The following TIAL1 variants were observed in gnomAD, a reference collection of about 807,000 sequenced individuals.
TIAL1 encodes the protein nucleolysin TIAR.
In TIAL1, 7 loss-of-function variants were observed where a neutral mutation model predicts 59.7. That is an observed-to-expected ratio of 0.12 (90% CI 0.07 to 0.22). The LOEUF is 0.22. Ranked by LOEUF, TIAL1 falls within the 10% of genes least tolerant of loss-of-function variation. TIAL1 has a pLI of 1.00. For missense variants in TIAL1, 225 were observed against 462.5 expected (o/e 0.49, Z 4.71); for synonymous variants, 149 against 146.3 (o/e 1.02, Z -0.13).
intron 1 of TIAL1, among the ~76,000 whole-genome samples, chr10:119,589,414 C>T (rs895859861): frequency 1.3e-5 from 2 of 152,274 alleles, no homozygotes; most frequent in Non-Finnish European, 2.9e-5. Context: ...CCATGTTGGC[C>T]TGGCTGGTCT....
At position 119,577,197 on chromosome 10, in the gene TIAL1, T is replaced by G; in HGVS notation, c.744A>C (p.Ser248=). Residue 248 remains serine (S), a synonymous_variant, in exon 10 of 12, where the codon TCA becomes TCC. Transcript: ENST00000436547. ...PEKGYSFVRF[S]THESAAHAIV... ...TGGCATGGGCTGCACTTTCATGGGT[T>G]GAAAATCTAAGAAAGAAAAATGATA... 1 of 1,594,750 alleles carries G rather than the reference T, an allele frequency of 6.3e-7. No homozygotes were observed. Among genetic ancestry groups the G allele is most frequent in the African/African-American group, 1.4e-5 (1 of 73,786 alleles).
Position 119,596,424 on chromosome 10 carries a change from G to A in TIAL1, c.32+10C>T. On this transcript the variant is annotated intron_variant, in intron 1 of 11. Coordinates refer to ENST00000436547, the MANE Select transcript of TIAL1 (RefSeq NM_003252.4). ...CTTGGCGCCTGGCACCCCTCGTCTCGGGTACTCACAGAGTCCGGGGCTGCC... is the reference window on the plus strand; with the variant it reads ...CTTGGCGCCTGGCACCCCTCGTCTCAGGTACTCACAGAGTCCGGGGCTGCC... 6.2e-7 allele frequency: 1 copy of A among 1,610,918 alleles called. No individual in the cohort carries two copies. Among genetic ancestry groups the A allele is most frequent in the Non-Finnish European group, 8.5e-7 (1 of 1,179,160 alleles).
chr10:119,592,648 T>A (rs1453127014), intron 1 of TIAL1, among the ~76,000 whole-genome samples: 2 of 152,192 alleles, frequency 1.3e-5, no homozygotes, highest in Non-Finnish European at 2.9e-5. Context: ...CTTCAATAGA[T>A]CTCTAATTAA....
intron 1 of TIAL1, among the ~76,000 whole-genome samples, chr10:119,590,800 G>GAAAGAAAGAGAGAAAGAAAGAAAGAAAA (rs1845837304): frequency 7.1e-6 from 1 of 141,306 alleles, no homozygotes; most frequent in African/African-American, 2.7e-5. Context: ...AAGAAAGAAA[G>GAAAGAAAGAGAGAAAGAAAGAAAGAAAA]AAAGAAAGAA....
intron 5 of TIAL1, chr10:119,580,741 A>G: frequency 9.6e-7 from 1 of 1,044,436 alleles, no homozygotes; most frequent in East Asian, 9.4e-5. Context: ...TAAATAATGT[A>G]TAATAAGAAT....
In TIAL1 at chr10:119,575,570, A is replaced by G. The variant is rs1338004224; in HGVS notation, c.*95T>C. 7.3e-6 allele frequency: 11 copies of G among 1,512,800 alleles called. No homozygotes were observed. The highest frequency in any genetic ancestry group is 2.3e-5 in the East Asian group (1 of 43,668). The allele number at this position is 1,512,800 out of a possible 1,614,324, so 93.7% of individuals were successfully genotyped here. On this transcript the variant is annotated 3_prime_UTR_variant, in exon 12 of 12. Transcript: ENST00000436547. The stretch of plus-strand genomic sequence containing the variant: ...CCAAACATTTCAATTTTTAAAATAA[A>G]TATTTTCATTTTCCGATGTCTACTT...
rs569330951 is a variant in TIAL1 at position 119,589,366 on chromosome 10, C to T, written c.33-1118G>A. ...GACTACAGGCGTGCACCACCACGCC[C>T]GGCTAATTTTTGTATTTTTAGTAGA... On this transcript the variant is annotated intron_variant, in intron 1 of 11. Coordinates refer to ENST00000436547, the MANE Select transcript of TIAL1 (RefSeq NM_003252.4). 2.6e-5 allele frequency among the ~76,000 whole-genome samples: 4 copies of T among 152,188 alleles called. 1 individual carries two copies. The highest frequency in any genetic ancestry group is 9.6e-5 in the African/African-American group (4 of 41,518).
Position 119,596,576 on chromosome 10 carries a change from A to G in TIAL1, c.-111T>C. Reference sequence around the variant, plus strand: ...TGGGCACCGGCTGGGGACAGAGGAAAAGGCACCGAACCCTGCTCTCGGGCT... The same window carrying G: ...TGGGCACCGGCTGGGGACAGAGGAAGAGGCACCGAACCCTGCTCTCGGGCT... On this transcript the variant is annotated 5_prime_UTR_variant, in exon 1 of 12. Coordinates refer to ENST00000436547, the MANE Select transcript of TIAL1 (RefSeq NM_003252.4). 2 of 868,946 alleles carry G rather than the reference A, an allele frequency of 2.3e-6. No homozygotes were observed. Among genetic ancestry groups the G allele is most frequent in the Non-Finnish European group, 3.5e-6 (2 of 566,144 alleles). The allele number at this position is 868,946 out of a possible 1,614,324, so 53.8% of individuals were successfully genotyped here.
chr10:119,584,174 T>C (rs1404822070), intron 2 of TIAL1, among the ~76,000 whole-genome samples: 2 of 151,852 alleles, frequency 1.3e-5, no homozygotes, highest in Admixed American at 6.6e-5. Context: ...TGTATGCACG[T>C]GCATGTATAT....
chr10:119,591,483 A>T (rs1157780350), intron 1 of TIAL1, among the ~76,000 whole-genome samples: 1 of 152,210 alleles, frequency 6.6e-6, no homozygotes, highest in East Asian at 1.9e-4. Context: ...TTCTAGAGGC[A>T]TATTTAGATA....
intron 5 of TIAL1, 49 bp downstream of exon 5, chr10:119,581,873 T>C (rs927513030): frequency 1.5e-6 from 2 of 1,347,320 alleles, no homozygotes; most frequent in African/African-American, 2.9e-5. Flanking sequence ...GTTAATCATA[T>C]ACAATTCTGC....
rs191197950 is a variant in TIAL1 at position 119,587,270 on chromosome 10, C to G, written c.129+882G>C. Reference sequence around the variant, plus strand: ...TGCTACGGGTTCTATTTTTCCCTCTCTGTCTCAAGCACTCCTGCTCTCCCT... The same window carrying G: ...TGCTACGGGTTCTATTTTTCCCTCTGTGTCTCAAGCACTCCTGCTCTCCCT... On this transcript the variant is annotated intron_variant, in intron 2 of 11. Coordinates refer to ENST00000436547, the MANE Select transcript of TIAL1 (RefSeq NM_003252.4). 4.6e-5 allele frequency among the ~76,000 whole-genome samples: 7 copies of G among 152,340 alleles called. No homozygotes were observed. The East Asian group carries it at 1.2e-3, about 25-fold the overall frequency.
chr10:119,577,788 C>T (rs767624008), intron 7 of TIAL1, 52 bp from the exon 8 acceptor site: 11 of 1,463,096 alleles, frequency 7.5e-6, no homozygotes, highest in Non-Finnish European at 1.1e-5. Flanking sequence ...TACTATGAAA[C>T]TCTTCTGTTA....
At chr10:119,589,749 A>G (rs1420343662) in intron 1 of TIAL1, among the ~76,000 whole-genome samples, 1 of 152,228 alleles carries the variant, frequency 6.6e-6, no homozygotes, top group African/African-American at 2.4e-5. Flanking sequence ...TATGTCTTGT[A>G]CTATGGATTT....
Position 119,579,965 on chromosome 10 carries a change from G to A in TIAL1, c.417C>T (p.Gly139=), listed in dbSNP as rs756865001. The part of the protein sequence containing the change: ...VKDMATGKSK[G]YGFVSFYNKL... ...TGTTATAAAAAGATACAAAACCATA[G>A]CCTTTGGATTTTCCAGTTGCCATGT... is the stretch of plus-strand genomic sequence containing the variant. Residue 139 remains glycine (G), a synonymous_variant, in exon 6 of 12, where the codon GGC becomes GGT. Coordinates refer to ENST00000436547, the MANE Select transcript of TIAL1 (RefSeq NM_003252.4). 6 of 1,610,658 alleles carry A rather than the reference G, an allele frequency of 3.7e-6. No homozygotes were observed. The highest frequency in any genetic ancestry group is 5.1e-6 in the Non-Finnish European group (6 of 1,178,570).
intron 6 of TIAL1, among the ~76,000 whole-genome samples, chr10:119,579,647 C>G (rs532274837): frequency 2.8e-4 from 42 of 152,342 alleles, no homozygotes; most frequent in South Asian, 1.0e-3. Flanking sequence ...ATTAGCTCAT[C>G]TGTCCTAGAC....
At position 119,596,602 on chromosome 10, in the gene TIAL1, C is replaced by T. The variant is rs542273737; in HGVS notation, c.-137G>A. ...AGGCACCGAACCCTGCTCTCGGGCT[C>T]TCTCCCCCCAGCCCGCTCCGGACAC... On this transcript the variant is annotated 5_prime_UTR_variant, in exon 1 of 12. Transcript: ENST00000436547. 2.0e-5 allele frequency: 14 copies of T among 688,780 alleles called. No homozygotes were observed. The East Asian group carries it at 2.8e-4, about 14-fold the overall frequency. The allele number at this position is 688,780 out of a possible 1,614,324, so 42.7% of individuals were successfully genotyped here. A position where few individuals can be genotyped will look rare whatever the true frequency, so the allele number is the denominator to read the frequency against.
intron 10 of TIAL1, 85 bp from the exon 11 acceptor site, chr10:119,576,835 CTAAG>C: frequency 6.5e-7 from 1 of 1,539,822 alleles, no homozygotes; most frequent in East Asian, 2.2e-5. Flanking sequence ...AAGAGAAAAA[CTAAG>C]TAAGCACCCT....
chr10:119,595,463 A>G (rs987665999), intron 1 of TIAL1, among the ~76,000 whole-genome samples: 2 of 152,036 alleles, frequency 1.3e-5, no homozygotes, highest in Non-Finnish European at 2.9e-5. Flanking sequence ...GATGCAGAGA[A>G]AAGGAGTGCC....
Sources: allele counts gnomAD v4.1 joint callset (sites outside exome capture counted in the v4.1 genomes callset), GRCh38; gene constraint gnomAD v4.1.1; transcripts MANE v1.5; gene names NCBI Gene and HGNC (gene_info 2026-07-23, HGNC 2026-07-21).